Variants in ARSG observed in about 807,000 individuals in gnomAD.
The protein encoded by ARSG is arylsulfatase G.
Under a neutral mutation model 50.5 loss-of-function variants are expected in ARSG, and 37 were observed. The ratio of observed to expected loss-of-function variants is 0.73; its 90% CI spans 0.56 to 0.96. The LOEUF (loss-of-function observed/expected upper bound fraction) is 0.96. Ranked by LOEUF, ARSG falls within the 50% of genes least tolerant of loss-of-function variation. The pLI is 0.00. For missense variants in ARSG, 629 were observed against 675.3 expected, an observed-to-expected ratio of 0.93 and a Z score of 0.76; for synonymous variants, 225 against 254.6, an observed-to-expected ratio of 0.88 and a Z score of 1.11.
chr17:68,371,897 G>T (rs185012018), intron 8 of ARSG, among the ~76,000 whole-genome samples: 142 of 152,204 alleles, frequency 9.3e-4, no homozygotes, highest in Admixed American at 1.4e-3. Context: ...AATATGTAAA[G>T]TATGATTTTA....
intron 11 of ARSG, 30 bp downstream of exon 11, chr17:68,401,480 C>G: frequency 1.2e-6 from 2 of 1,603,608 alleles, no homozygotes; most frequent in South Asian, 1.1e-5. Flanking sequence ...GCCCTGCCTC[C>G]CACAGTCACA....
chr17:68,290,717 G>T (rs965000011), upstream of ARSG, among the ~76,000 whole-genome samples: 2 of 152,238 alleles, frequency 1.3e-5, no homozygotes. Flanking sequence ...AACTTCATGC[G>T]GAAAATCCGC....
At chr17:68,424,429 A>G (rs1006800130), downstream of ARSG, 3 of 534,680 alleles carry the variant, frequency 5.6e-6, no homozygotes, top group South Asian at 2.8e-5. Flanking sequence ...AAGAAGCCAG[A>G]CCTGCACTCC....
At chr17:68,328,753 G>C (rs577395908) in intron 2 of ARSG, among the ~76,000 whole-genome samples, 7 of 152,286 alleles carry the variant, frequency 4.6e-5, no homozygotes, top group African/African-American at 1.7e-4. Flanking sequence ...AGGTCTACAT[G>C]CCTAGATGCT....
intron 2 of ARSG, among the ~76,000 whole-genome samples, chr17:68,339,043 T>A (rs1172173459): frequency 1.3e-5 from 2 of 152,240 alleles, no homozygotes; most frequent in African/African-American, 2.4e-5. Flanking sequence ...CCAAGGCCCC[T>A]GCCTAAGAGA....
chr17:68,311,853 T>G (rs1315857307), intron 2 of ARSG, among the ~76,000 whole-genome samples: 1 of 145,180 alleles, frequency 6.9e-6, no homozygotes, highest in Non-Finnish European at 1.5e-5. Context: ...CAGGTTGGAG[T>G]GCAGTAGTGC....
At chr17:68,352,041 G>A (rs2078788599) in intron 5 of ARSG, among the ~76,000 whole-genome samples, 1 of 151,538 alleles carries the variant, frequency 6.6e-6, no homozygotes, top group African/African-American at 2.4e-5. Flanking sequence ...GAGGGAGGGA[G>A]AGAGCAGAGG....
At position 68,401,376 on chromosome 17, in the gene ARSG, A is replaced by G. The variant is rs1375920872; in HGVS notation, c.1229A>G (p.Asn410Ser). The change falls in exon 11 of 12, where the codon AAC becomes AGC. Residue 410 changes from asparagine to serine, a missense_variant. Coordinates refer to ENST00000621439, the MANE Select transcript of ARSG (RefSeq NM_001267727.2). Reference sequence around the variant, plus strand: ...CTTTCTCAGGTGCTGTTCCACCCCAACAGCGGGGCAGCTGGAGAGTTTGGA... The same window carrying G: ...CTTTCTCAGGTGCTGTTCCACCCCAGCAGCGGGGCAGCTGGAGAGTTTGGA... Reference protein sequence around the residue: ...QPGHRVLFHPNSGAAGEFGAL... With the variant: ...QPGHRVLFHPSSGAAGEFGAL... 2 of 1,613,850 alleles carry G rather than the reference A, an allele frequency of 1.2e-6. No individual in the cohort carries two copies. The highest frequency in any genetic ancestry group is 2.7e-5 in the African/African-American group (2 of 74,916).
chr17:68,392,701 T>G (rs1421373468), intron 9 of ARSG, among the ~76,000 whole-genome samples: 1 of 152,170 alleles, frequency 6.6e-6, no homozygotes, highest in African/African-American at 2.4e-5. Flanking sequence ...GGTTTCGCCA[T>G]GTTGGCCAGG....
intron 2 of ARSG, among the ~76,000 whole-genome samples, chr17:68,328,507 C>A (rs866761738): frequency 5.9e-5 from 9 of 152,114 alleles, no homozygotes; most frequent in South Asian, 2.1e-4. Flanking sequence ...ATAGCATTTT[C>A]TTTGTATTTC....
chr17:68,282,148 A>G (rs797038991), intron 1 of ARSG, among the ~76,000 whole-genome samples: 88 of 152,334 alleles, frequency 5.8e-4, no homozygotes, highest in African/African-American at 2.1e-3. Context: ...TGGCACATAT[A>G]TACCATGGAA....
chr17:68,423,159 A>G (rs2082921841), downstream of ARSG, among the ~76,000 whole-genome samples: 1 of 152,178 alleles, frequency 6.6e-6, no homozygotes, highest in South Asian at 2.1e-4. This position sits in a 1 kb window ranked among gnomAD's most constrained non-coding sequence, Gnocchi z 4.4. Context: ...GTGGTCCTAG[A>G]AGATTTTAAG....
At chr17:68,341,866 C>G (rs184702461) in intron 2 of ARSG, among the ~76,000 whole-genome samples, 8 of 152,314 alleles carry the variant, frequency 5.3e-5, no homozygotes, top group Admixed American at 3.9e-4. Context: ...GTCGTCCAGA[C>G]TGGAGTGCAG....
intron 5 of ARSG, among the ~76,000 whole-genome samples, chr17:68,354,471 T>C (rs572056396): frequency 1.3e-5 from 2 of 150,434 alleles, no homozygotes; most frequent in South Asian, 4.2e-4. Flanking sequence ...ATGGGTGGCT[T>C]AGGAGAGAGA....
chr17:68,393,206 T>C (rs1236687471), intron 9 of ARSG, among the ~76,000 whole-genome samples: 1 of 152,200 alleles, frequency 6.6e-6, no homozygotes, highest in Non-Finnish European at 1.5e-5. Flanking sequence ...TTTAGTTACC[T>C]GTGATCAACC....
chr17:68,380,670 A>G (rs760025287), intron 8 of ARSG, among the ~76,000 whole-genome samples: 78 of 152,346 alleles, frequency 5.1e-4, no homozygotes, highest in Admixed American at 1.2e-3. Flanking sequence ...TTAAATGTTT[A>G]TGTTATTGGT....
chr17:68,380,346 A>T (rs1485806993), intron 8 of ARSG, among the ~76,000 whole-genome samples: 1 of 151,848 alleles, frequency 6.6e-6, no homozygotes, highest in Non-Finnish European at 1.5e-5. Context: ...GGCTCAAGCG[A>T]TCATCCCACC....
At position 68,271,174 on chromosome 17, in the gene ARSG, G is replaced by C. The variant is rs1555748470; in HGVS notation, c.-552+11748G>C. ...GGCCATCGTAGATAATAAAAAAGCAGCGCGGTCCTGGTCAATGCCCAGACT... is the reference window on the plus strand; with the variant it reads ...GGCCATCGTAGATAATAAAAAAGCACCGCGGTCCTGGTCAATGCCCAGACT... On this transcript the variant is annotated intron_variant, in intron 1 of 11. Transcript: ENST00000448504. This position sits in a 1 kb window ranked among gnomAD's most constrained non-coding sequence, Gnocchi z 5.3. 1.2e-6 allele frequency: 2 copies of C among 1,614,038 alleles called. No individual in the cohort carries two copies. The highest frequency in any genetic ancestry group is 3.3e-5 in the Admixed American group (2 of 60,026).
At chr17:68,411,030 C>G (rs2081975216) in intron 11 of ARSG, among the ~76,000 whole-genome samples, 1 of 151,722 alleles carries the variant, frequency 6.6e-6, no homozygotes, top group African/African-American at 2.4e-5. Context: ...CTTTATTTGT[C>G]TTGCTAGCGG....
Sources: allele counts gnomAD v4.1 joint callset (sites outside exome capture counted in the v4.1 genomes callset), GRCh38; gene constraint gnomAD v4.1.1; non-coding constraint Gnocchi (gnomAD v3.1); transcripts MANE v1.5; gene names NCBI Gene and HGNC (gene_info 2026-07-23, HGNC 2026-07-21).